The following CDC73 variants were observed in gnomAD, a reference collection of about 807,000 sequenced individuals.
CDC73 encodes the protein parafibromin.
Under a neutral mutation model 83.7 loss-of-function variants are expected in CDC73, and 21 were observed. The observed-to-expected ratio is 0.25, with a 90% CI of 0.18 to 0.36. CDC73 has a LOEUF of 0.36. CDC73 is among the 10% of genes least tolerant of loss of function. The pLI is 1.00. For missense variants in CDC73, 342 were observed against 653.3 expected (o/e 0.52, Z 5.19); for synonymous variants, 224 against 212.9 (o/e 1.05, Z -0.45).
At chr1:193,124,086 C>T (rs764473648) in intron 1 of CDC73, among the ~76,000 whole-genome samples, 21 of 152,138 alleles carry the variant, frequency 1.4e-4, no homozygotes, top group Non-Finnish European at 2.5e-4. Flanking sequence ...GCATAAAGAA[C>T]TGGAAAGTAA....
intron 10 of CDC73, among the ~76,000 whole-genome samples, chr1:193,160,371 C>T (rs900191339): frequency 1.3e-5 from 2 of 151,724 alleles, no homozygotes; most frequent in African/African-American, 2.4e-5. Flanking sequence ...TAATATTGAT[C>T]GTTGTAAGAA....
chr1:193,153,915 G>C (rs1437995975), intron 10 of CDC73, among the ~76,000 whole-genome samples: 1 of 152,168 alleles, frequency 6.6e-6, no homozygotes, highest in African/African-American at 2.4e-5. Flanking sequence ...TCTACGTCAA[G>C]GCAGGGATCA....
At chr1:193,223,214 G>A (rs372591068) in intron 13 of CDC73, among the ~76,000 whole-genome samples, 12 of 142,328 alleles carry the variant, frequency 8.4e-5, no homozygotes, top group Non-Finnish European at 1.8e-4. Context: ...TGTGGGTTTA[G>A]TTTTTTACTG....
chr1:193,182,431 A>G (rs371488270), intron 10 of CDC73, among the ~76,000 whole-genome samples: 19 of 152,266 alleles, frequency 1.2e-4, no homozygotes, highest in East Asian at 5.8e-4. Context: ...TTGATTATCT[A>G]TGGCTTTGGC....
Position 193,253,521 on chromosome 1 carries a change from TAGG to T in CDC73, c.*2812_*2814del, listed in dbSNP as rs1678077212. 8.6e-6 allele frequency: 2 copies of T among 232,184 alleles called. No homozygotes were observed. Among genetic ancestry groups the T allele is most frequent in the Admixed American group, 5.6e-5 (1 of 17,720 alleles). The allele number at this position is 232,184 out of a possible 1,614,324, so 14.4% of individuals were successfully genotyped here. A position where few individuals can be genotyped will look rare whatever the true frequency, so the allele number is the denominator to read the frequency against. ...GCAATTTTTAATTATTTATTTAATATAGGAGTATTTTACTGTTTAATATTTAAA... is the reference window on the plus strand; with the variant it reads ...GCAATTTTTAATTATTTATTTAATATAGTATTTTACTGTTTAATATTTAAA... On this transcript the variant is annotated 3_prime_UTR_variant, in exon 17 of 17. Transcript: ENST00000367435.
At chr1:193,214,789 G>A (rs754300272) in intron 13 of CDC73, among the ~76,000 whole-genome samples, 5 of 152,172 alleles carry the variant, frequency 3.3e-5, no homozygotes, top group Non-Finnish European at 7.4e-5. Flanking sequence ...GGATACACTT[G>A]ACATTAGAAA....
At chr1:193,202,042 A>T (rs7545223) in intron 10 of CDC73, among the ~76,000 whole-genome samples, 110,047 of 152,020 alleles carry the variant, frequency 0.72, 40,102 homozygotes, top group South Asian at 0.82. Context: ...TTTTCTATGT[A>T]TTTCCTCTTA....
intron 8 of CDC73, among the ~76,000 whole-genome samples, chr1:193,149,139 A>G (rs1464709538): frequency 6.6e-6 from 1 of 152,174 alleles, no homozygotes; most frequent in East Asian, 1.9e-4. Context: ...TCTGCTAATG[A>G]TCTTGAGATA....
At chr1:193,219,658 G>A (rs2102045132) in intron 13 of CDC73, among the ~76,000 whole-genome samples, 1 of 152,234 alleles carries the variant, frequency 6.6e-6, no homozygotes, top group African/African-American at 2.4e-5. Context: ...AATACCACAT[G>A]TTCTACGTGG....
chr1:193,164,124 A>G (rs1256382889), intron 10 of CDC73, among the ~76,000 whole-genome samples: 2 of 152,234 alleles, frequency 1.3e-5, no homozygotes, highest in Non-Finnish European at 2.9e-5. Flanking sequence ...TGGCAGTATT[A>G]CATTTACATT....
At chr1:193,238,416 TTTTC>T (rs1677800998) in intron 15 of CDC73, among the ~76,000 whole-genome samples, 1 of 152,210 alleles carries the variant, frequency 6.6e-6, no homozygotes, top group Admixed American at 6.5e-5. Flanking sequence ...ACTAAAGCTG[TTTTC>T]ACTGAAGTCA....
intron 10 of CDC73, among the ~76,000 whole-genome samples, chr1:193,159,710 C>T (rs1676273741): frequency 1.3e-5 from 2 of 152,140 alleles, no homozygotes; most frequent in Non-Finnish European, 2.9e-5. Flanking sequence ...GTAGTTATTG[C>T]ATAAATGTTT....
At chr1:193,166,577 C>T (rs999130300) in intron 10 of CDC73, among the ~76,000 whole-genome samples, 7 of 152,072 alleles carry the variant, frequency 4.6e-5, no homozygotes, top group African/African-American at 1.7e-4. Flanking sequence ...GGCTTACAGG[C>T]CGATAGACAA....
intron 14 of CDC73, among the ~76,000 whole-genome samples, chr1:193,234,858 G>A (rs966462162): frequency 1.3e-5 from 2 of 151,652 alleles, no homozygotes; most frequent in Non-Finnish European, 2.9e-5. Context: ...CCATGAAAGG[G>A]GAAATTTTTT....
At chr1:193,178,316 A>C (rs1039482137) in intron 10 of CDC73, among the ~76,000 whole-genome samples, 6 of 152,142 alleles carry the variant, frequency 3.9e-5, no homozygotes, top group African/African-American at 1.4e-4. Context: ...AGATTTTATA[A>C]ATTTTATAGA....
chr1:193,210,321 G>A (rs1677255269), intron 11 of CDC73, among the ~76,000 whole-genome samples: 1 of 152,136 alleles, frequency 6.6e-6, no homozygotes, highest in African/African-American at 2.4e-5. Context: ...GAAAGTGTGT[G>A]TGCTGTGTTA....
chr1:193,246,509 A>G (rs1170665813), intron 15 of CDC73, among the ~76,000 whole-genome samples: 2 of 152,142 alleles, frequency 1.3e-5, no homozygotes, highest in African/African-American at 4.8e-5. Context: ...ATCATCATAC[A>G]AAAACCACTA....
intron 10 of CDC73, among the ~76,000 whole-genome samples, chr1:193,192,958 A>G (rs550904340): frequency 5.5e-4 from 84 of 152,330 alleles, no homozygotes; most frequent in Non-Finnish European, 5.7e-4. Flanking sequence ...ACTCAAGGTA[A>G]GAGAATTAGG....
intron 10 of CDC73, among the ~76,000 whole-genome samples, chr1:193,155,367 G>A (rs1383838594): frequency 1.3e-5 from 2 of 152,176 alleles, no homozygotes; most frequent in African/African-American, 2.4e-5. Flanking sequence ...CATGAAATAC[G>A]TTTCACAGTA....
Sources: allele counts gnomAD v4.1 joint callset (sites outside exome capture counted in the v4.1 genomes callset), GRCh38; gene constraint gnomAD v4.1.1; transcripts MANE v1.5; gene names NCBI Gene and HGNC (gene_info 2026-07-23, HGNC 2026-07-21).